Variants in TSPAN16 observed in about 807,000 individuals in gnomAD.
The protein encoded by TSPAN16 is tetraspanin-16.
A neutral mutation model predicts 25.2 loss-of-function variants in TSPAN16; 23 were observed. The ratio of observed to expected loss-of-function variants is 0.91; its 90% CI spans 0.66 to 1.29. The LOEUF (loss-of-function observed/expected upper bound fraction) is 1.29, where lower values mean the gene tolerates loss of function less well. TSPAN16 is among the 50% of genes most tolerant of loss of function. TSPAN16 has a pLI of 0.00. For synonymous variants in TSPAN16, 123 were observed against 124.4 expected (o/e 0.99, Z 0.08); for missense variants, 272 against 299.9 (o/e 0.91, Z 0.69).
chr19:11,315,417 C>T (rs868306896), intron 6 of TSPAN16, among the ~76,000 whole-genome samples: 51 of 150,532 alleles, frequency 3.4e-4, no homozygotes, highest in African/African-American at 1.2e-3. Context: ...ATTAGCCAGG[C>T]GTGGTGGCGG....
intron 1 of TSPAN16, among the ~76,000 whole-genome samples, chr19:11,297,862 G>T (rs961564473): frequency 6.6e-6 from 1 of 152,068 alleles, no homozygotes; most frequent in Non-Finnish European, 1.5e-5. Context: ...CACAGTCATA[G>T]CTCACTGCAG....
chr19:11,302,678 T>TATATAC (rs556398306), intron 4 of TSPAN16, among the ~76,000 whole-genome samples: 1 of 126,560 alleles, frequency 7.9e-6, no homozygotes, highest in Non-Finnish European at 1.6e-5. Context: ...TATATATATA[T>TATATAC]ACACACACAC....
chr19:11,296,734 T>C (rs2080482295), intron 1 of TSPAN16, among the ~76,000 whole-genome samples: 1 of 152,214 alleles, frequency 6.6e-6, no homozygotes, highest in Non-Finnish European at 1.5e-5. Flanking sequence ...TAACCCGAAA[T>C]GTACATTGCT....
intron 1 of TSPAN16, among the ~76,000 whole-genome samples, chr19:11,297,142 A>C (rs1448860782): frequency 6.6e-6 from 1 of 151,708 alleles, no homozygotes; most frequent in East Asian, 1.9e-4. Context: ...ATGAAATATC[A>C]CTCCTCCTCT....
chr19:11,322,259 T>G (rs892550590), intron 6 of TSPAN16: 2 of 151,982 alleles, frequency 1.3e-5, no homozygotes, highest in Non-Finnish European at 1.5e-5. Flanking sequence ...TGAGACCACA[T>G]TTCACCTGTT....
At chr19:11,323,306 A>G (rs1477326310) in intron 6 of TSPAN16, 3 of 152,186 alleles carry the variant, frequency 2.0e-5, no homozygotes, top group African/African-American at 7.2e-5. Context: ...TATAAAAGAT[A>G]CCCTCGGCTG....
rs548604763 is a variant in TSPAN16, at chr19:11,309,509, C to T, written c.604-2630C>T. Among the ~76,000 whole-genome samples the T allele has an allele frequency of 8.5e-5, 13 of 152,362 alleles. No homozygotes were observed. The East Asian group carries it at 2.5e-3, about 29-fold the overall frequency. ...GCCTTTGCACAGGCTTTCCCTCTGC[C>T]TGGAGTGCTCTTCCTTCACGTCTTC... is the stretch of plus-strand genomic sequence containing the variant. On this transcript the variant is annotated intron_variant, in intron 5 of 6. Transcript: ENST00000590327.
In TSPAN16 at chr19:11,325,526, G is replaced by A. The variant is rs750538732; in HGVS notation, c.688-1268G>A. On this transcript the variant is annotated intron_variant, in intron 6 of 6. Transcript: ENST00000316737. Reference sequence around the variant, plus strand: ...TTCTCGCAGATGACATCCACCAGGCGCTCGAAGACCTGCTTCACATTGATG... The same window carrying A: ...TTCTCGCAGATGACATCCACCAGGCACTCGAAGACCTGCTTCACATTGATG... The A allele has an allele frequency of 6.3e-5, 102 of 1,613,516 alleles. No individual in the cohort carries two copies. Among genetic ancestry groups the A allele is most frequent in the Non-Finnish European group, 8.0e-5 (94 of 1,180,002 alleles).
At chr19:11,299,086 C>G in intron 3 of TSPAN16, 140 bp downstream of exon 3, 1 of 799,488 alleles carries the variant, frequency 1.3e-6, no homozygotes, top group East Asian at 2.6e-5. Flanking sequence ...TTGAGACCAG[C>G]CTGGCCAACA....
chr19:11,304,324 G>A (rs2080601934), intron 4 of TSPAN16, among the ~76,000 whole-genome samples: 2 of 151,248 alleles, frequency 1.3e-5, no homozygotes, highest in Non-Finnish European at 1.5e-5. Flanking sequence ...GGCTTTGAAA[G>A]GAACATGTGA....
At chr19:11,321,367 C>G (rs1056733875) in intron 6 of TSPAN16, 2 of 152,148 alleles carry the variant, frequency 1.3e-5, no homozygotes, top group Admixed American at 6.6e-5. Flanking sequence ...CATCAGATCT[C>G]GTGAGAACTC....
At chr19:11,311,218 C>T (rs529897629) in intron 5 of TSPAN16, among the ~76,000 whole-genome samples, 2 of 152,210 alleles carry the variant, frequency 1.3e-5, no homozygotes, top group African/African-American at 2.4e-5. Flanking sequence ...TCACTACAAC[C>T]TCCGATTCCC....
At position 11,310,162 on chromosome 19, in the gene TSPAN16, A is replaced by G. The variant is rs548242116; in HGVS notation, c.604-1977A>G. Among the ~76,000 whole-genome samples, 120 of 152,166 alleles carry G rather than the reference A, an allele frequency of 7.9e-4. 3 individuals carry two copies. In the South Asian group the frequency reaches 0.015, roughly 19 times the overall value. ...CGGAACAGTGACAACAGCAAGTTCA[A>G]TGTGGCCCAAGCCTCCAGAGGTGAG... On this transcript the variant is annotated intron_variant, in intron 5 of 6. Coordinates refer to ENST00000590327, the MANE Select transcript of TSPAN16 (RefSeq NM_001282509.2).
intron 2 of TSPAN16, 40 bp downstream of exon 2, chr19:11,298,379 C>G: frequency 1.3e-6 from 2 of 1,591,556 alleles, no homozygotes; most frequent in Non-Finnish European, 8.6e-7. Flanking sequence ...ACTGCCTCCC[C>G]ACACACACAA....
intron 6 of TSPAN16, among the ~76,000 whole-genome samples, chr19:11,313,727 C>G (rs1229093485): frequency 6.6e-6 from 1 of 152,052 alleles, no homozygotes; most frequent in Non-Finnish European, 1.5e-5. Flanking sequence ...AAGATAATAA[C>G]AAGTGTTGCC....
intron 6 of TSPAN16, among the ~76,000 whole-genome samples, chr19:11,313,296 G>A (rs1259305400): frequency 6.6e-6 from 1 of 152,202 alleles, no homozygotes; most frequent in African/African-American, 2.4e-5. Context: ...GGCGGCTCAC[G>A]AGGTGAAGAG....
downstream of TSPAN16, among the ~76,000 whole-genome samples, chr19:11,317,469 C>T (rs934184626): frequency 6.6e-6 from 1 of 152,118 alleles, no homozygotes; most frequent in Non-Finnish European, 1.5e-5. Context: ...GCATGCGCCA[C>T]CACACCCAGC....
At chr19:11,317,848 T>C (rs921148093), downstream of TSPAN16, among the ~76,000 whole-genome samples, 5 of 151,190 alleles carry the variant, frequency 3.3e-5, no homozygotes, top group African/African-American at 9.7e-5. Flanking sequence ...TGTGAAATGC[T>C]TGGGGAGTGC....
Position 11,298,423 on chromosome 19 carries a change from T to C in TSPAN16, c.267+84T>C, listed in dbSNP as rs558361369. ...TTGTGCGTGTTGCAAACAACTTTGC[T>C]TGGTGTCACCTATTTTTTTTTTTTT... On this transcript the variant is annotated intron_variant, in intron 2 of 6. Coordinates refer to ENST00000590327, the MANE Select transcript of TSPAN16 (RefSeq NM_001282509.2). The C allele has an allele frequency of 1.5e-4, 204 of 1,380,172 alleles. No homozygotes were observed. The African/African-American group carries it at 2.9e-3, about 20-fold the overall frequency. 85.5% of individuals were successfully genotyped at this position (1,380,172 alleles called of 1,614,324 possible).
Sources: gnomAD v4.1 joint callset for allele counts (sites outside exome capture counted in the v4.1 genomes callset) on GRCh38, gnomAD v4.1.1 for gene constraint, MANE v1.5 for transcripts, NCBI Gene and HGNC (gene_info 2026-07-23, HGNC 2026-07-21) for gene names.